Variants in CLSTN2 observed in about 807,000 individuals in gnomAD.
CLSTN2 encodes calsyntenin 2.
CLSTN2 carries 48 observed loss-of-function variants against 101.2 expected under a neutral mutation model. That is an observed-to-expected ratio of 0.47 (90% CI 0.38 to 0.60). The LOEUF (loss-of-function observed/expected upper bound fraction) is 0.60. Among genes scored for constraint, CLSTN2 ranks in the 20% least tolerant of loss-of-function variants. The pLI is 0.00. For missense variants in CLSTN2, 1,160 were observed against 1,238.2 expected (o/e 0.94, Z 0.95); for synonymous variants, 481 against 463.6 (o/e 1.04, Z -0.48).
intron 1 of CLSTN2, among the ~76,000 whole-genome samples, chr3:139,976,342 A>G (rs1238879057): frequency 6.6e-6 from 1 of 152,224 alleles, no homozygotes; most frequent in Non-Finnish European, 1.5e-5. Flanking sequence ...CTGAATATAA[A>G]GAAGAGAATT....
chr3:140,377,013 A>G (rs1485047106), intron 2 of CLSTN2, among the ~76,000 whole-genome samples: 2 of 27,314 alleles, frequency 7.3e-5, no homozygotes, highest in East Asian at 3.0e-3. Flanking sequence ...TGTTACACAC[A>G]CACATACACA....
chr3:140,222,874 G>A (rs76369258), intron 2 of CLSTN2, among the ~76,000 whole-genome samples: 230 of 143,006 alleles, frequency 1.6e-3, no homozygotes, highest in Middle Eastern at 7.3e-3. Flanking sequence ...AAAATTTTAA[G>A]AAAAAAAAAA....
At chr3:139,982,440 TG>T (rs770070900) in intron 1 of CLSTN2, among the ~76,000 whole-genome samples, 85 of 152,208 alleles carry the variant, frequency 5.6e-4, no homozygotes, top group Middle Eastern at 6.8e-3. Context: ...GATGCTTCTG[TG>T]GGGGCTTAAT....
chr3:140,206,385 G>C (rs2010782861), intron 2 of CLSTN2, among the ~76,000 whole-genome samples: 1 of 152,218 alleles, frequency 6.6e-6, no homozygotes, highest in African/African-American at 2.4e-5. Context: ...GGCCAAGCCA[G>C]AGGCTAAGGA....
chr3:140,275,711 T>C (rs548159575), intron 2 of CLSTN2, among the ~76,000 whole-genome samples: 1 of 152,282 alleles, frequency 6.6e-6, no homozygotes, highest in African/African-American at 2.4e-5. Context: ...TGCTGTGTGC[T>C]CTGGGTAGCT....
chr3:140,343,746 T>C (rs370989885), intron 2 of CLSTN2, among the ~76,000 whole-genome samples: 11 of 152,384 alleles, frequency 7.2e-5, no homozygotes, highest in African/African-American at 2.6e-4. Flanking sequence ...AGTAAGTTTA[T>C]ACGGTTATTC....
At chr3:140,194,327 A>G (rs377126053) in intron 2 of CLSTN2, among the ~76,000 whole-genome samples, 1 of 152,006 alleles carries the variant, frequency 6.6e-6, no homozygotes, top group African/African-American at 2.4e-5. Flanking sequence ...AGTTCTTTTT[A>G]TAAGGGCACT....
At chr3:140,187,620 T>G (rs1292804662) in intron 2 of CLSTN2, among the ~76,000 whole-genome samples, 1 of 152,206 alleles carries the variant, frequency 6.6e-6, no homozygotes, top group Non-Finnish European at 1.5e-5. Context: ...GTAGGTAAAC[T>G]TCCACTCAAG....
intron 2 of CLSTN2, among the ~76,000 whole-genome samples, chr3:140,270,317 C>T (rs2086730341): frequency 2.0e-5 from 3 of 152,166 alleles, no homozygotes; most frequent in Non-Finnish European, 4.4e-5. Flanking sequence ...ATGCACCTGG[C>T]CCCAGAGCCT....
Position 140,311,287 on chromosome 3 carries a change from C to CTTTTTTTTTTTTTTTTT in CLSTN2, c.233-92322_233-92306dup, listed in dbSNP as rs750088450. Among the ~76,000 whole-genome samples the CTTTTTTTTTTTTTTTTT allele has an allele frequency of 2.5e-4, 13 of 52,080 alleles. 4 individuals are homozygous for CTTTTTTTTTTTTTTTTT. Among genetic ancestry groups the CTTTTTTTTTTTTTTTTT allele is most frequent in the East Asian group, 1.6e-3 (2 of 1,290 alleles). 34.2% of individuals were successfully genotyped at this position (52,080 alleles called of 152,430 possible). A position where few individuals can be genotyped will look rare whatever the true frequency, so the allele number is the denominator to read the frequency against. On this transcript the variant is annotated intron_variant, in intron 2 of 16. Coordinates refer to ENST00000458420, the MANE Select transcript of CLSTN2 (RefSeq NM_022131.3). Reference sequence around the variant, plus strand: ...ATAATAACAGCTAAGGTTTATTATCCTTTTTTTTTTTTTTTTTTTTTTTTT... The same window carrying CTTTTTTTTTTTTTTTTT: ...ATAATAACAGCTAAGGTTTATTATCCTTTTTTTTTTTTTTTTTTTTTTTTTTTTTTTTTTTTTTTTTT...
intron 1 of CLSTN2, among the ~76,000 whole-genome samples, chr3:139,958,533 T>C (rs1273535829): frequency 6.6e-6 from 1 of 152,084 alleles, no homozygotes. Context: ...TTGATTTATG[T>C]CCAGGGTGGT....
intron 1 of CLSTN2, among the ~76,000 whole-genome samples, chr3:140,097,747 T>C (rs1323995434): frequency 2.0e-5 from 3 of 152,182 alleles, no homozygotes; most frequent in Non-Finnish European, 4.4e-5. Flanking sequence ...ATGGGATCCA[T>C]TGAATAATTT....
At chr3:140,501,653 C>A (rs998508512) in intron 8 of CLSTN2, among the ~76,000 whole-genome samples, 2 of 149,946 alleles carry the variant, frequency 1.3e-5, no homozygotes, top group African/African-American at 4.8e-5. Context: ...AGGCCCTCCC[C>A]CATCCCACAG....
intron 1 of CLSTN2, among the ~76,000 whole-genome samples, chr3:140,042,794 A>G (rs2007788608): frequency 6.6e-6 from 1 of 151,996 alleles, no homozygotes; most frequent in South Asian, 2.1e-4. Flanking sequence ...TGTCCTTGTG[A>G]TAGTTTGCTG....
intron 9 of CLSTN2, among the ~76,000 whole-genome samples, chr3:140,536,182 A>G (rs1935355263): frequency 6.6e-6 from 1 of 152,120 alleles, no homozygotes; most frequent in Admixed American, 6.5e-5. Context: ...CGGACCCAGC[A>G]GTATCCTTAA....
rs1048249400 is a variant in CLSTN2 at position 140,576,954 on chromosome 3, G to A, written c.*10701G>A. 2 of 152,178 alleles carry A rather than the reference G, an allele frequency of 1.3e-5. No individual in the cohort carries two copies. Among genetic ancestry groups the A allele is most frequent in the Admixed American group, 6.5e-5 (1 of 15,280 alleles). The allele number at this position is 152,178 out of a possible 1,614,324, so 9.4% of individuals were successfully genotyped here. A position where few individuals can be genotyped will look rare whatever the true frequency, so the allele number is the denominator to read the frequency against. On this transcript the variant is annotated 3_prime_UTR_variant, in exon 17 of 17. Coordinates refer to ENST00000458420, the MANE Select transcript of CLSTN2 (RefSeq NM_022131.3). ...TAGAAAATTGAATCTAATTTCAGAA[G>A]AGCGCACTGTCTTCTCAGTCAACAA...
chr3:140,515,437 T>C (rs965087899), intron 8 of CLSTN2, among the ~76,000 whole-genome samples: 98 of 152,280 alleles, frequency 6.4e-4, no homozygotes, highest in African/African-American at 2.3e-3. Context: ...CTTGTTTCCC[T>C]AGTTCCTTGA....
At chr3:140,171,056 C>T (rs1014389267) in intron 1 of CLSTN2, among the ~76,000 whole-genome samples, 2 of 152,110 alleles carry the variant, frequency 1.3e-5, no homozygotes, top group African/African-American at 4.8e-5. Context: ...AATGGACAGG[C>T]CCCTAGGTTT....
intron 2 of CLSTN2, among the ~76,000 whole-genome samples, chr3:140,312,007 A>G (rs769618948): frequency 2.0e-5 from 3 of 152,236 alleles, no homozygotes; most frequent in Admixed American, 6.5e-5. Flanking sequence ...AGGTAATGCA[A>G]TTAAGCCTGG....
Sources: allele counts gnomAD v4.1 joint callset (sites outside exome capture counted in the v4.1 genomes callset), GRCh38; gene constraint gnomAD v4.1.1; transcripts MANE v1.5; gene names NCBI Gene and HGNC (gene_info 2026-07-23, HGNC 2026-07-21).